The following SUSD1 variants were observed in gnomAD, a reference collection of about 807,000 sequenced individuals.
SUSD1 encodes the protein sushi domain containing 1, also known as sushi domain-containing protein 1.
In SUSD1, 65 loss-of-function variants were observed where a neutral mutation model predicts 86.9. That is an observed-to-expected ratio of 0.75 (90% CI 0.61 to 0.92). The LOEUF is 0.92. SUSD1 is among the 40% of genes least tolerant of loss of function. SUSD1 has a pLI of 0.00. For missense variants in SUSD1, 850 were observed against 929.7 expected (o/e 0.91, Z 1.11); for synonymous variants, 346 against 350.0 (o/e 0.99, Z 0.13).
At chr9:112,156,533 A>G (rs1268756409) in intron 2 of SUSD1, among the ~76,000 whole-genome samples, 3 of 152,116 alleles carry the variant, frequency 2.0e-5, no homozygotes, top group African/African-American at 4.8e-5. Context: ...CAGCCTCCCA[A>G]ATACCTGGAA....
At chr9:112,070,460 TG>T (rs1000997249) in intron 12 of SUSD1, among the ~76,000 whole-genome samples, 1 of 152,228 alleles carries the variant, frequency 6.6e-6, no homozygotes, top group African/African-American at 2.4e-5. Context: ...ACTGATGTCC[TG>T]GGTAGACCTG....
chr9:112,166,784 T>G (rs1833844459), intron 1 of SUSD1, among the ~76,000 whole-genome samples: 1 of 152,100 alleles, frequency 6.6e-6, no homozygotes, highest in Non-Finnish European at 1.5e-5. Context: ...GGGAGGTGGT[T>G]GCCATGTAGT....
intron 5 of SUSD1, among the ~76,000 whole-genome samples, chr9:112,139,944 G>A (rs920684705): frequency 6.6e-6 from 1 of 152,080 alleles, no homozygotes. Context: ...CAGAAAACCA[G>A]GTCAAGTGTG....
chr9:112,072,140 C>CTTTTTTTTTTTTTTTTTT, intron 12 of SUSD1, among the ~76,000 whole-genome samples: 60 of 121,162 alleles, frequency 5.0e-4, no homozygotes, highest in Non-Finnish European at 6.6e-4. Flanking sequence ...CTTTCTTTCT[C>CTTTTTTTTTTTTTTTTTT]TTTTTTTTTT....
intron 8 of SUSD1, chr9:112,103,201 G>A (rs1369784916): frequency 2.2e-6 from 1 of 450,500 alleles, no homozygotes; most frequent in East Asian, 7.1e-5. Context: ...TTTTAGTCAA[G>A]ATCAGAATTG....
intron 14 of SUSD1, 118 bp downstream of exon 14, chr9:112,058,310 T>C: frequency 1.5e-6 from 2 of 1,306,814 alleles, no homozygotes; most frequent in Non-Finnish European, 2.1e-6. Context: ...TTCACAAACA[T>C]TTTGTGATTG....
intron 5 of SUSD1, among the ~76,000 whole-genome samples, chr9:112,136,622 C>A (rs1832278308): frequency 6.6e-6 from 1 of 152,184 alleles, no homozygotes. Context: ...TCGCTCCTCC[C>A]TCACCCATGG....
intron 5 of SUSD1, among the ~76,000 whole-genome samples, chr9:112,128,400 C>CT (rs906160963): frequency 3.3e-4 from 48 of 145,300 alleles, no homozygotes; most frequent in South Asian, 8.8e-4. Context: ...GGCCTACAAT[C>CT]TTTTTTTTTT....
chr9:112,163,185 C>T (rs1322999243), intron 1 of SUSD1, among the ~76,000 whole-genome samples: 2 of 152,102 alleles, frequency 1.3e-5, no homozygotes, highest in South Asian at 2.1e-4. Context: ...CTCACTCTGT[C>T]GCCTCTGTCA....
intron 15 of SUSD1, 48 bp downstream of exon 15, chr9:112,052,351 T>C (rs1448277430): frequency 1.9e-6 from 3 of 1,613,514 alleles, no homozygotes; most frequent in Admixed American, 1.7e-5. Context: ...AACTTGATGC[T>C]GCAGAAAAGA....
chr9:112,116,426 G>T (rs902885145), intron 6 of SUSD1, among the ~76,000 whole-genome samples: 1 of 152,174 alleles, frequency 6.6e-6, no homozygotes, highest in African/African-American at 2.4e-5. Flanking sequence ...CATTAATGCT[G>T]CCCTTTTAAT....
At position 112,157,505 on chromosome 9, in the gene SUSD1, C is replaced by T. The variant is rs778145460; in HGVS notation, c.212G>A (p.Cys71Tyr). The T allele has an allele frequency of 1.9e-6, 3 of 1,611,996 alleles. No individual in the cohort carries two copies. The highest frequency in any genetic ancestry group is 2.5e-6 in the Non-Finnish European group (3 of 1,178,350). Reference protein sequence around the residue: ...YGFVGNGRTQCVDKNECQFGA... With the variant: ...YGFVGNGRTQYVDKNECQFGA... Reference sequence around the variant, plus strand: ...ACCCAGAGTTCAGAACTTACCAACACACTGAGTCCTCCCGTTCCCTACAAA... The same window carrying T: ...ACCCAGAGTTCAGAACTTACCAACATACTGAGTCCTCCCGTTCCCTACAAA... The change falls in exon 2 of 17, where the codon TGT becomes TAT. Residue 71 changes from cysteine (C) to tyrosine (Y), a missense_variant. Transcript: ENST00000374270.
intron 3 of SUSD1, among the ~76,000 whole-genome samples, chr9:112,144,874 T>C (rs1273556606): frequency 6.6e-6 from 1 of 152,156 alleles, no homozygotes; most frequent in Non-Finnish European, 1.5e-5. Flanking sequence ...AACTGCCCAA[T>C]AAGCCAGAGG....
chr9:112,073,502 C>T (rs1829378257), intron 12 of SUSD1, among the ~76,000 whole-genome samples: 1 of 145,854 alleles, frequency 6.9e-6, no homozygotes, highest in South Asian at 2.3e-4. Flanking sequence ...CCCCACCCCG[C>T]CCCCACCCAC....
At chr9:112,146,468 G>A (rs1832813657) in intron 3 of SUSD1, among the ~76,000 whole-genome samples, 1 of 152,146 alleles carries the variant, frequency 6.6e-6, no homozygotes, top group Admixed American at 6.5e-5. Context: ...ATAAATAAAA[G>A]TAGAGCCTAG....
chr9:112,156,538 C>A (rs974123682), intron 2 of SUSD1, among the ~76,000 whole-genome samples: 1 of 152,042 alleles, frequency 6.6e-6, no homozygotes, highest in South Asian at 2.1e-4. Context: ...TCCCAAATAC[C>A]TGGAAGTACA....
Position 112,175,201 on chromosome 9 carries a change from C to G in SUSD1, c.35G>C (p.Arg12Pro). 1 of 1,158,610 alleles carries G rather than the reference C, an allele frequency of 8.6e-7. No homozygotes were observed. The highest frequency in any genetic ancestry group is 1.1e-6 in the Non-Finnish European group (1 of 944,208). The allele number at this position is 1,158,610 out of a possible 1,614,324, so 71.8% of individuals were successfully genotyped here. Residue 12 changes from arginine (R) to proline (P), a missense_variant, in exon 1 of 17, where the codon CGC becomes CCC. Arg to Pro is a moderately radical substitution (Grantham distance 103, BLOSUM62 -2). Transcript: ENST00000374270. This position sits in a 1 kb window ranked among gnomAD's most constrained non-coding sequence, Gnocchi z 4.7. ...GRGPWDAGPSRRLLPLLLLLG... is the reference protein window; with the variant it reads ...GRGPWDAGPSPRLLPLLLLLG... ...CAGCAGCAACAGCGGCAGCAGGCGG[C>G]GAGACGGGCCCGCATCCCAGGGCCC...
At chr9:112,094,387 C>G (rs1168005828) in intron 10 of SUSD1, among the ~76,000 whole-genome samples, 3 of 152,128 alleles carry the variant, frequency 2.0e-5, no homozygotes, top group African/African-American at 2.4e-5. Context: ...AGTTCACCCC[C>G]ACACCAAGGG....
At chr9:112,132,686 C>T (rs1488786319) in intron 5 of SUSD1, among the ~76,000 whole-genome samples, 1 of 152,208 alleles carries the variant, frequency 6.6e-6, no homozygotes, top group Non-Finnish European at 1.5e-5. Context: ...GTTCTCTCCC[C>T]TACTAAATGG....
Sources: allele counts gnomAD v4.1 joint callset (sites outside exome capture counted in the v4.1 genomes callset), GRCh38; gene constraint gnomAD v4.1.1; non-coding constraint Gnocchi (gnomAD v3.1); transcripts MANE v1.5; gene names NCBI Gene and HGNC (gene_info 2026-07-23, HGNC 2026-07-21).